RABGAP1L: variants seen among roughly 807,000 people sequenced by gnomAD.
RABGAP1L encodes the protein rab GTPase-activating protein 1-like.
RABGAP1L carries 63 observed loss-of-function variants against 137.7 expected under a neutral mutation model. The observed-to-expected ratio is 0.46, with a 90% CI of 0.37 to 0.56. The LOEUF (loss-of-function observed/expected upper bound fraction) is 0.56, where lower values mean the gene tolerates loss of function less well. Ranked by LOEUF, RABGAP1L falls within the 20% of genes least tolerant of loss-of-function variation. The probability of loss-of-function intolerance (pLI) is 0.00; values close to 1 mark genes in which losing one functional copy is unlikely to be tolerated. For synonymous variants in RABGAP1L, 431 were observed against 433.7 expected, an observed-to-expected ratio of 0.99 and a Z score of 0.08; for missense variants, 1,095 against 1,244.0, an observed-to-expected ratio of 0.88 and a Z score of 1.80.
chr1:174,896,586 G>A (rs1657219034), intron 19 of RABGAP1L, among the ~76,000 whole-genome samples: 1 of 152,198 alleles, frequency 6.6e-6, no homozygotes, highest in Admixed American at 6.5e-5. Context: ...TAACATTTAA[G>A]TCTTTAATCC....
intron 13 of RABGAP1L, among the ~76,000 whole-genome samples, chr1:174,528,314 C>T (rs1049510406): frequency 2.6e-5 from 4 of 151,866 alleles, no homozygotes; most frequent in Non-Finnish European, 5.9e-5. Flanking sequence ...TAAACATTTG[C>T]GTATTTTCAT....
chr1:174,315,953 CTG>C (rs1553272087), intron 11 of RABGAP1L, among the ~76,000 whole-genome samples: 1 of 152,036 alleles, frequency 6.6e-6, no homozygotes, highest in Non-Finnish European at 1.5e-5. Flanking sequence ...GCTTCTCTGA[CTG>C]TATTTTCATA....
chr1:174,365,300 A>C (rs1266905846), intron 11 of RABGAP1L: 1 of 152,192 alleles, frequency 6.6e-6, no homozygotes, highest in Admixed American at 6.5e-5. Context: ...CCGTGTTTTA[A>C]AGAATGAAGG....
chr1:174,462,939 A>G (rs1656857881), intron 13 of RABGAP1L, among the ~76,000 whole-genome samples: 1 of 152,246 alleles, frequency 6.6e-6, no homozygotes, highest in Non-Finnish European at 1.5e-5. Context: ...CATCAGAGAA[A>G]TGCAAATCAA....
At position 174,993,632 on chromosome 1, in the gene RABGAP1L, T is replaced by G. The variant is rs1672195789; in HGVS notation, c.*3631T>G. On this transcript the variant is annotated 3_prime_UTR_variant, in exon 26 of 26. Coordinates refer to ENST00000681986, the MANE Select transcript of RABGAP1L (RefSeq NM_001366446.1). ...ATGTAGGGGTTTAAGTCTTCATACTTTCACTAAAATCTGTCTACTAACTCT... is the reference window on the plus strand; with the variant it reads ...ATGTAGGGGTTTAAGTCTTCATACTGTCACTAAAATCTGTCTACTAACTCT... 6.6e-6 allele frequency: 1 copy of G among 152,212 alleles called. No homozygotes were observed. The highest frequency in any genetic ancestry group is 1.5e-5 in the Non-Finnish European group (1 of 68,040). The allele number at this position is 152,212 out of a possible 1,614,324, so 9.4% of individuals were successfully genotyped here.
At chr1:174,987,901 C>A (rs553141478) in intron 24 of RABGAP1L, among the ~76,000 whole-genome samples, 1 of 152,276 alleles carries the variant, frequency 6.6e-6, no homozygotes, top group East Asian at 1.9e-4. Context: ...GCTCCGCCTC[C>A]CGGGTTCAAG....
chr1:174,621,978 A>G (rs904306733), intron 13 of RABGAP1L, among the ~76,000 whole-genome samples: 1 of 151,842 alleles, frequency 6.6e-6, no homozygotes, highest in Non-Finnish European at 1.5e-5. Flanking sequence ...AATATCCAGA[A>G]TCTACAATGA....
At chr1:174,620,374 A>G (rs1672332728) in intron 13 of RABGAP1L, among the ~76,000 whole-genome samples, 1 of 152,224 alleles carries the variant, frequency 6.6e-6, no homozygotes, top group African/African-American at 2.4e-5. Context: ...AATTGACCAC[A>G]TAGTTGGAAG....
At chr1:174,779,854 T>C (rs1686819470) in intron 18 of RABGAP1L, among the ~76,000 whole-genome samples, 1 of 151,998 alleles carries the variant, frequency 6.6e-6, no homozygotes, top group South Asian at 2.1e-4. Flanking sequence ...TCACCTGAGG[T>C]CAGGAGTTTG....
intron 13 of RABGAP1L, among the ~76,000 whole-genome samples, chr1:174,547,016 CGA>C (rs1248454300): frequency 9.5e-6 from 1 of 105,708 alleles, no homozygotes; most frequent in Non-Finnish European, 1.7e-5. Flanking sequence ...GGCGAAAGAG[CGA>C]GACTCTGTCT....
chr1:174,240,248 TGTTTGTTTTTGTTTTTGA>T (rs770196360), intron 4 of RABGAP1L, among the ~76,000 whole-genome samples: 122 of 152,184 alleles, frequency 8.0e-4, no homozygotes, highest in Non-Finnish European at 1.2e-3. Context: ...TTTGTTTTTG[TGTTTGTTTTTGTTTTTGA>T]GACACAGTTT....
intron 1 of RABGAP1L, among the ~76,000 whole-genome samples, chr1:174,216,604 A>G (rs952267568): frequency 1.2e-4 from 15 of 122,078 alleles, no homozygotes; most frequent in Non-Finnish European, 1.8e-4. Context: ...TTTTTTGTCC[A>G]TGTGGTATAA....
In RABGAP1L at chr1:174,637,482, C is replaced by G. The variant is rs571723703; in HGVS notation, c.1818C>G (p.Ile606Met). 6.3e-7 allele frequency: 1 copy of G among 1,591,686 alleles called. No homozygotes were observed. The change falls in exon 14 of 26, where the codon ATC (isoleucine) becomes ATG (methionine). Residue 606 changes from isoleucine (I) to methionine (M), a missense_variant. By Grantham distance (10) the Ile-to-Met change is conservative. This residue lies in a region of RABGAP1L where 315 missense variants were observed against 324.8 expected (regional missense o/e 0.97). Coordinates refer to ENST00000681986, the MANE Select transcript of RABGAP1L (RefSeq NM_001366446.1). The part of the protein sequence containing the change: ...GGDGQESLYK[I>M]CKAYSVYDED... ...ATGGTCAAGAATCGCTCTATAAGATCTGCAAGGTAGGACTCTCTTCCTCAC... is the reference window on the plus strand; with the variant it reads ...ATGGTCAAGAATCGCTCTATAAGATGTGCAAGGTAGGACTCTCTTCCTCAC...
intron 13 of RABGAP1L, among the ~76,000 whole-genome samples, chr1:174,510,189 T>C (rs2072759): frequency 0.35 from 53,557 of 152,014 alleles, 12,066 homozygotes; most frequent in African/African-American, 0.64. Flanking sequence ...TCCTTTTGCA[T>C]ATATGCCATA....
chr1:174,542,766 T>G (rs1001083372), intron 13 of RABGAP1L, among the ~76,000 whole-genome samples: 1 of 152,244 alleles, frequency 6.6e-6, no homozygotes, highest in African/African-American at 2.4e-5. Flanking sequence ...TTGCTTTAAA[T>G]GTGTCCCAGA....
At chr1:174,308,324 G>A (rs1377853430) in intron 11 of RABGAP1L, among the ~76,000 whole-genome samples, 1 of 151,854 alleles carries the variant, frequency 6.6e-6, no homozygotes, top group African/African-American at 2.4e-5. Context: ...CTCTCATTCT[G>A]TAGGTTGCCC....
intron 1 of RABGAP1L, among the ~76,000 whole-genome samples, chr1:174,172,728 G>T (rs1019376141): frequency 6.6e-6 from 1 of 152,126 alleles, no homozygotes; most frequent in African/African-American, 2.4e-5. Context: ...CTGTTGAGTT[G>T]TGAGAGTTCC....
chr1:174,430,017 G>GT (rs1163373422), intron 13 of RABGAP1L, among the ~76,000 whole-genome samples: 1 of 152,144 alleles, frequency 6.6e-6, no homozygotes, highest in Non-Finnish European at 1.5e-5. Context: ...TACAAAGCAT[G>GT]TAAATTTAAA....
chr1:174,573,055 T>C (rs1668102225), intron 13 of RABGAP1L, among the ~76,000 whole-genome samples: 1 of 152,132 alleles, frequency 6.6e-6, no homozygotes, highest in African/African-American at 2.4e-5. Context: ...CAGAACCTCT[T>C]GAATTCCAAG....
Sources: gnomAD v4.1 joint callset for allele counts (sites outside exome capture counted in the v4.1 genomes callset) on GRCh38, gnomAD v4.1.1 for gene constraint, gnomAD v4.1.1 regional missense constraint, MANE v1.5 for transcripts, NCBI Gene and HGNC (gene_info 2026-07-23, HGNC 2026-07-21) for gene names.